NUP205: variants seen among roughly 807,000 people sequenced by gnomAD.
NUP205 encodes the protein nuclear pore complex protein Nup205.
NUP205 carries 76 observed loss-of-function variants against 253.8 expected under a neutral mutation model. The observed-to-expected ratio is 0.30, with a 90% CI of 0.25 to 0.36. NUP205 has a LOEUF of 0.36. NUP205 is among the 10% of genes least tolerant of loss of function. NUP205 has a pLI of 1.00. For synonymous variants in NUP205, 832 were observed against 850.1 expected (o/e 0.98, Z 0.37); for missense variants, 2,162 against 2,425.5 (o/e 0.89, Z 2.28).
At chr7:135,600,625 A>G (rs1290427846) in intron 15 of NUP205, among the ~76,000 whole-genome samples, 1 of 152,244 alleles carries the variant, frequency 6.6e-6, no homozygotes, top group Non-Finnish European at 1.5e-5. Context: ...CCAAACATCT[A>G]TAAAAATGTA....
At chr7:135,644,440 G>A (rs149195025) in intron 39 of NUP205, among the ~76,000 whole-genome samples, 1 of 152,202 alleles carries the variant, frequency 6.6e-6, no homozygotes, top group Non-Finnish European at 1.5e-5. Context: ...CTGTGCTTGT[G>A]TGTGTGCCAC....
chr7:135,648,033 T>C (rs1177031622), intron 42 of NUP205, among the ~76,000 whole-genome samples: 1 of 152,014 alleles, frequency 6.6e-6, no homozygotes, highest in African/African-American at 2.4e-5. Context: ...CTCCCTCCCT[T>C]CCTTCCCTGC....
At chr7:135,641,721 G>C (rs1794918515) in intron 38 of NUP205, among the ~76,000 whole-genome samples, 1 of 151,924 alleles carries the variant, frequency 6.6e-6, no homozygotes. Context: ...GATCACCTGA[G>C]CCCAGGAGGT....
At chr7:135,648,264 C>A (rs866281501) in intron 42 of NUP205, 140 bp from the exon 43 acceptor site, 35 of 649,622 alleles carry the variant, frequency 5.4e-5, no homozygotes, top group African/African-American at 5.1e-4. Flanking sequence ...AATTTAGTAA[C>A]ACATTACAAA....
At chr7:135,589,258 T>C (rs560588498) in intron 10 of NUP205, among the ~76,000 whole-genome samples, 2 of 148,900 alleles carry the variant, frequency 1.3e-5, no homozygotes, top group Non-Finnish European at 3.0e-5. Flanking sequence ...TGTGTGTGTG[T>C]GTGTTTTTTT....
Position 135,602,925 on chromosome 7 carries a change from C to T in NUP205, c.2633C>T (p.Pro878Leu), listed in dbSNP as rs1011770168. 17 of 1,613,860 alleles carry T rather than the reference C, an allele frequency of 1.1e-5. No homozygotes were observed. Among genetic ancestry groups the T allele is most frequent in the Non-Finnish European group, 1.4e-5 (17 of 1,179,894 alleles). Reference protein sequence around the residue: ...RESQLALIVCPLEQLLQGINP... With the variant: ...RESQLALIVCLLEQLLQGINP... ...AGTCAACTGGCTCTAATAGTCTGTC[C>T]TTTAGAACAGCTTTTGCAGGGAATT... Residue 878 changes from proline (P) to leucine (L), a missense_variant, in exon 18 of 43, where the codon CCT becomes CTT. Pro to Leu is a moderately conservative substitution (Grantham distance 98). Coordinates refer to ENST00000285968, the MANE Select transcript of NUP205 (RefSeq NM_015135.3).
At chr7:135,592,921 C>A in intron 11 of NUP205, 66 bp from the exon 12 acceptor site, 1 of 1,149,464 alleles carries the variant, frequency 8.7e-7, no homozygotes, top group Non-Finnish European at 1.3e-6. Flanking sequence ...AATTAATTTT[C>A]TCTCCATTTC....
intron 23 of NUP205, 110 bp downstream of exon 23, chr7:135,614,383 T>C: frequency 1.6e-6 from 1 of 629,866 alleles, no homozygotes; most frequent in Non-Finnish European, 2.7e-6. Flanking sequence ...ATACTTTGGC[T>C]TCTTTGTTAT....
chr7:135,596,533 T>C (rs987809689), intron 13 of NUP205, among the ~76,000 whole-genome samples: 1 of 152,198 alleles, frequency 6.6e-6, no homozygotes, highest in Non-Finnish European at 1.5e-5. Flanking sequence ...ACTTTTGATT[T>C]GCAAGAAAGT....
Position 135,617,668 on chromosome 7 carries a change from C to T in NUP205, c.3757C>T (p.Pro1253Ser). Reference protein sequence around the residue: ...LQGMAAIGQRPLLMEEISTVL... With the variant: ...LQGMAAIGQRSLLMEEISTVL... ...GGGTATGGCAGCCATAGGACAGAGA[C>T]CTCTACTAATGGAGGTAAGCTCTAT... Residue 1253 changes from proline to serine, a missense_variant, in exon 27 of 43, where the codon CCT (proline) becomes TCT (serine). Coordinates refer to ENST00000285968, the MANE Select transcript of NUP205 (RefSeq NM_015135.3). The T allele has an allele frequency of 6.2e-7, 1 of 1,607,800 alleles. No individual in the cohort carries two copies. The highest frequency in any genetic ancestry group is 8.5e-7 in the Non-Finnish European group (1 of 1,174,554).
At chr7:135,590,043 TTAATTTC>T (rs771383041) in intron 10 of NUP205, among the ~76,000 whole-genome samples, 2 of 151,378 alleles carry the variant, frequency 1.3e-5, no homozygotes, top group Non-Finnish European at 3.0e-5. Context: ...GCCCCACATT[TTAATTTC>T]ACATCTTAAG....
intron 7 of NUP205, among the ~76,000 whole-genome samples, chr7:135,583,206 A>G (rs1022405548): frequency 6.6e-6 from 1 of 152,208 alleles, no homozygotes; most frequent in African/African-American, 2.4e-5. Flanking sequence ...ATGAAAATGT[A>G]CTTACGGTAA....
rs755605159 is a variant in NUP205, at chr7:135,578,751, A to G, written c.878A>G (p.Asp293Gly). The change falls in exon 7 of 43, where the codon GAT becomes GGT. Residue 293 changes from aspartate (D) to glycine (G), a missense_variant and splice_region_variant. Around this residue, in one of 5 missense-constraint regions of NUP205, gnomAD observed 892 missense variants for 957.1 expected, o/e 0.93. Coordinates refer to ENST00000285968, the MANE Select transcript of NUP205 (RefSeq NM_015135.3). ...AAGTGGTCTATTTTTGTGTTTTCAG[A>G]TATGATTCATCAACTTCCACTGTTG... is the stretch of plus-strand genomic sequence containing the variant. ...FIEQSTEERDDMIHQLPLLTE... is the reference protein window; with the variant it reads ...FIEQSTEERDGMIHQLPLLTE... The G allele has an allele frequency of 1.6e-5, 25 of 1,590,450 alleles. No individual in the cohort carries two copies. Among genetic ancestry groups the G allele is most frequent in the Middle Eastern group, 1.7e-4 (1 of 6,010 alleles).
chr7:135,591,629 T>A, intron 11 of NUP205, 29 bp downstream of exon 11: 1 of 1,599,834 alleles, frequency 6.3e-7, no homozygotes, highest in Non-Finnish European at 8.5e-7. Context: ...TTGTTAAAGT[T>A]TGTTGTTATA....
intron 38 of NUP205, among the ~76,000 whole-genome samples, chr7:135,641,024 C>T (rs1454271131): frequency 6.6e-6 from 1 of 151,680 alleles, no homozygotes; most frequent in Non-Finnish European, 1.5e-5. Flanking sequence ...AAGATCATGC[C>T]TCTAACAAAA....
intron 2 of NUP205, 103 bp from the exon 3 acceptor site, chr7:135,573,551 T>C (rs1806059185): frequency 4.0e-6 from 3 of 743,468 alleles, no homozygotes; most frequent in Non-Finnish European, 6.4e-6. Context: ...CTGTTTGTCA[T>C]GTTACCAGGC....
rs941884550 is a variant in NUP205, at chr7:135,645,663, T to G, written c.5812+67T>G. ...TTGTGCCTTGAAAAGCTAGTACCAG[T>G]TTTTTTTTATTTTTGTTTCCAGATT... On this transcript the variant is annotated intron_variant, in intron 41 of 42. Coordinates refer to ENST00000285968, the MANE Select transcript of NUP205 (RefSeq NM_015135.3). 6.5e-6 allele frequency: 6 copies of G among 916,118 alleles called. No homozygotes were observed. The East Asian group carries it at 2.8e-4, about 42-fold the overall frequency. 56.7% of individuals were successfully genotyped at this position (916,118 alleles called of 1,614,324 possible).
chr7:135,609,165 G>A (rs1430909245), intron 22 of NUP205, among the ~76,000 whole-genome samples: 3 of 148,520 alleles, frequency 2.0e-5, no homozygotes, highest in South Asian at 2.1e-4. Flanking sequence ...CTCAATTTAA[G>A]TGTTACCCTA....
chr7:135,559,774 C>T (rs1805531744), intron 1 of NUP205, among the ~76,000 whole-genome samples: 1 of 151,640 alleles, frequency 6.6e-6, no homozygotes, highest in South Asian at 2.1e-4. Flanking sequence ...TCACTGCAGC[C>T]TCCACCTCCT....
Sources: gnomAD v4.1 joint callset for allele counts (sites outside exome capture counted in the v4.1 genomes callset) on GRCh38, gnomAD v4.1.1 for gene constraint, gnomAD v4.1.1 regional missense constraint, MANE v1.5 for transcripts, NCBI Gene and HGNC (gene_info 2026-07-23, HGNC 2026-07-21) for gene names.